Variants in ARMC3 observed in about 807,000 individuals in gnomAD.
The protein encoded by ARMC3 is armadillo repeat containing 3, also known as armadillo repeat-containing protein 3.
In ARMC3, 74 loss-of-function variants were observed where a neutral mutation model predicts 90.3. That is an observed-to-expected ratio of 0.82 (90% CI 0.68 to 0.99). The LOEUF (loss-of-function observed/expected upper bound fraction) is 0.99. ARMC3 is among the 50% of genes least tolerant of loss of function. The probability of loss-of-function intolerance (pLI) is 0.00; values close to 1 mark genes in which losing one functional copy is unlikely to be tolerated. For synonymous variants in ARMC3, 334 were observed against 361.8 expected (o/e 0.92, Z 0.87); for missense variants, 958 against 1,042.8 (o/e 0.92, Z 1.12).
intron 10 of ARMC3, among the ~76,000 whole-genome samples, chr10:22,992,349 G>C (rs1006567862): frequency 6.6e-6 from 1 of 152,062 alleles, no homozygotes; most frequent in Admixed American, 6.6e-5. Context: ...AATTCTGAAA[G>C]TCTCAAAATG....
chr10:23,030,565 T>G, intron 16 of ARMC3, 31 bp from the exon 17 acceptor site: 1 of 1,587,652 alleles, frequency 6.3e-7, no homozygotes, highest in South Asian at 1.1e-5. Context: ...GCAGAAGATG[T>G]GATTTTGATT....
intron 16 of ARMC3, among the ~76,000 whole-genome samples, chr10:23,009,978 C>T (rs1384221540): frequency 1.3e-5 from 2 of 152,104 alleles, no homozygotes; most frequent in African/African-American, 2.4e-5. Flanking sequence ...TCTCCCAAGG[C>T]GTACGCAGTG....
chr10:23,005,335 T>C (rs1837545459), intron 13 of ARMC3, among the ~76,000 whole-genome samples: 1 of 151,994 alleles, frequency 6.6e-6, no homozygotes, highest in South Asian at 2.1e-4. Context: ...CAGATAAAAT[T>C]GTGACAAAAC....
At chr10:22,950,174 G>A (rs1240544852) in intron 3 of ARMC3, among the ~76,000 whole-genome samples, 1 of 151,920 alleles carries the variant, frequency 6.6e-6, no homozygotes, top group Non-Finnish European at 1.5e-5. Context: ...ACTAACACTA[G>A]ATGGAAACAT....
chr10:22,930,485 G>A (rs1235689534), intron 1 of ARMC3, among the ~76,000 whole-genome samples: 2 of 152,150 alleles, frequency 1.3e-5, no homozygotes, highest in Non-Finnish European at 2.9e-5. Context: ...GGGCGATGCA[G>A]GCACATTTTA....
chr10:23,019,302 A>G (rs76183831), intron 16 of ARMC3, among the ~76,000 whole-genome samples: 2 of 152,226 alleles, frequency 1.3e-5, no homozygotes, highest in Non-Finnish European at 2.9e-5. Context: ...CATTCCATCT[A>G]TGGTGTTAGA....
chr10:22,962,013 G>A lies in ARMC3; in HGVS notation c.667G>A (p.Glu223Lys), dbSNP rs760975316. The change falls in exon 7 of 19, where the codon GAG (glutamate) becomes AAG (lysine). Residue 223 changes from glutamate to lysine, a missense_variant. Physicochemically the swap from Glu to Lys is moderately conservative, Grantham distance 56. Transcript: ENST00000298032. ...CTTAGGTGTTATTGCAAATGATAAG[G>A]AGTCTCGAACAATGCTAAGAGACAA... ...KTLGVIANDK[E>K]SRTMLRDNQG... 1.2e-6 allele frequency: 2 copies of A among 1,612,152 alleles called. No individual in the cohort carries two copies. Among genetic ancestry groups the A allele is most frequent in the Non-Finnish European group, 1.7e-6 (2 of 1,179,166 alleles).
intron 11 of ARMC3, among the ~76,000 whole-genome samples, chr10:23,000,745 C>T (rs1837243310): frequency 6.6e-6 from 1 of 152,182 alleles, no homozygotes; most frequent in South Asian, 2.1e-4. Flanking sequence ...GTAAGCCCCA[C>T]CAGGGCCCCT....
At chr10:22,940,604 G>A (rs1329606933) in intron 2 of ARMC3, among the ~76,000 whole-genome samples, 2 of 151,972 alleles carry the variant, frequency 1.3e-5, no homozygotes, top group African/African-American at 4.8e-5. Context: ...TCCCACCTCA[G>A]CCTCCCAAGT....
intron 10 of ARMC3, among the ~76,000 whole-genome samples, chr10:22,986,113 C>T (rs983855581): frequency 2.0e-5 from 3 of 147,044 alleles, no homozygotes; most frequent in Middle Eastern, 3.3e-3. Flanking sequence ...ACTGCACGCC[C>T]CCCCCCCGCG....
chr10:22,959,884 G>A (rs1421930589), intron 6 of ARMC3: 8 of 479,386 alleles, frequency 1.7e-5, no homozygotes, highest in East Asian at 6.1e-5. Context: ...TGGAAACTGC[G>A]CAGCTACTAT....
intron 11 of ARMC3, among the ~76,000 whole-genome samples, chr10:23,000,617 T>C (rs1037933602): frequency 2.6e-5 from 4 of 152,220 alleles, no homozygotes; most frequent in African/African-American, 7.2e-5. Flanking sequence ...ATAAATTAAA[T>C]CTTTGCCTAA....
At chr10:23,033,607 C>T (rs34934641) in intron 18 of ARMC3, among the ~76,000 whole-genome samples, 18,080 of 152,120 alleles carry the variant, frequency 0.12, 1,547 homozygotes, top group African/African-American at 0.24. Flanking sequence ...TAGATCATAA[C>T]GCATCATGTA....
intron 16 of ARMC3, among the ~76,000 whole-genome samples, chr10:23,017,862 G>A (rs1054068879): frequency 1.3e-5 from 2 of 152,224 alleles, no homozygotes; most frequent in African/African-American, 4.8e-5. Context: ...CACATTTGTT[G>A]TTTTAAGTTC....
At chr10:23,035,866 C>T (rs942216927) in intron 18 of ARMC3, among the ~76,000 whole-genome samples, 2 of 152,172 alleles carry the variant, frequency 1.3e-5, no homozygotes, top group African/African-American at 4.8e-5. Flanking sequence ...TCCATCTGCA[C>T]TGCTCCCCTC....
intron 10 of ARMC3, among the ~76,000 whole-genome samples, chr10:22,996,180 G>C (rs1836942971): frequency 6.6e-6 from 1 of 152,070 alleles, no homozygotes; most frequent in Admixed American, 6.5e-5. Flanking sequence ...AGTTGTAAAA[G>C]GTATTCAGTA....
intron 16 of ARMC3, among the ~76,000 whole-genome samples, chr10:23,021,273 A>G (rs1838503641): frequency 6.6e-6 from 1 of 152,234 alleles, no homozygotes; most frequent in South Asian, 2.1e-4. Flanking sequence ...TGCAATGAAC[A>G]TAGGAGTACA....
chr10:22,990,549 C>T (rs142555152), intron 10 of ARMC3, among the ~76,000 whole-genome samples: 125 of 152,206 alleles, frequency 8.2e-4, no homozygotes, highest in African/African-American at 2.9e-3. Flanking sequence ...AAGCTAAGTC[C>T]TTGAGTGGAA....
intron 15 of ARMC3, 63 bp from the exon 16 acceptor site, chr10:23,008,752 A>G: frequency 1.5e-6 from 2 of 1,329,788 alleles, no homozygotes; most frequent in Non-Finnish European, 1.1e-6. Flanking sequence ...CTAAATGCAA[A>G]TGTAATGTAT....
Sources: gnomAD v4.1 joint callset for allele counts (sites outside exome capture counted in the v4.1 genomes callset) on GRCh38, gnomAD v4.1.1 for gene constraint, MANE v1.5 for transcripts, NCBI Gene and HGNC (gene_info 2026-07-23, HGNC 2026-07-21) for gene names.